Variants in PI4K2B observed in about 807,000 individuals in gnomAD.
PI4K2B encodes phosphatidylinositol 4-kinase type 2-beta.
In PI4K2B, 46 loss-of-function variants were observed where a neutral mutation model predicts 56.6. That is an observed-to-expected ratio of 0.81 (90% confidence interval 0.64 to 1.04). The LOEUF (loss-of-function observed/expected upper bound fraction) is 1.04. Among genes scored for constraint, PI4K2B ranks in the 50% least tolerant of loss-of-function variants. PI4K2B has a pLI of 0.00. For missense variants in PI4K2B, 556 were observed against 607.7 expected (o/e 0.91, Z 0.89); for synonymous variants, 211 against 223.8 (o/e 0.94, Z 0.51).
chr4:25,266,715 G>T (rs1042448222), intron 7 of PI4K2B, among the ~76,000 whole-genome samples: 2 of 152,206 alleles, frequency 1.3e-5, no homozygotes, highest in Admixed American at 6.5e-5. Context: ...GGAATTGGTA[G>T]TGGGGATATA....
At chr4:25,262,564 A>G (rs975064210) in intron 6 of PI4K2B, among the ~76,000 whole-genome samples, 4 of 152,154 alleles carry the variant, frequency 2.6e-5, no homozygotes, top group Admixed American at 2.6e-4. Context: ...TTTCTGTTTT[A>G]CTTTTTGTTA....
chr4:25,258,703 C>A (rs1716347825), intron 4 of PI4K2B, among the ~76,000 whole-genome samples: 1 of 152,050 alleles, frequency 6.6e-6, no homozygotes, highest in African/African-American at 2.4e-5. Context: ...ATTAAATTCA[C>A]CTTAATGAAT....
chr4:25,269,595 C>T (rs565101347), intron 9 of PI4K2B, among the ~76,000 whole-genome samples: 11 of 150,086 alleles, frequency 7.3e-5, no homozygotes, highest in African/African-American at 2.2e-4. Flanking sequence ...GCTGAGATCA[C>T]GCCACTGCAC....
In PI4K2B at chr4:25,279,142, A is replaced by G. The variant is rs1423103433; in HGVS notation, c.*1955A>G. On this transcript the variant is annotated 3_prime_UTR_variant, in exon 10 of 10. Coordinates refer to ENST00000264864, the MANE Select transcript of PI4K2B (RefSeq NM_018323.4). ...GAATATTTAGAATGTTTATGAACAC[A>G]TTTACTATAAATGATGCCAAACTAT... 2.0e-5 allele frequency: 3 copies of G among 151,586 alleles called. No homozygotes were observed. Among genetic ancestry groups the G allele is most frequent in the East Asian group, 1.9e-4 (1 of 5,172 alleles). 9.4% of individuals were successfully genotyped at this position (151,586 alleles called of 1,614,324 possible).
At chr4:25,248,770 C>G (rs1715904018) in intron 1 of PI4K2B, among the ~76,000 whole-genome samples, 1 of 73,464 alleles carries the variant, frequency 1.4e-5, no homozygotes, top group Non-Finnish European at 3.6e-5. Flanking sequence ...TCAAATGAGT[C>G]AGAGCTAATA....
chr4:25,239,617 C>T (rs1242522105), intron 1 of PI4K2B, among the ~76,000 whole-genome samples: 1 of 152,242 alleles, frequency 6.6e-6, no homozygotes, highest in Non-Finnish European at 1.5e-5. Context: ...ACCTGTCCCT[C>T]CACACCTCCC....
At chr4:25,276,473 C>G in intron 9 of PI4K2B, 1 of 222,700 alleles carries the variant, frequency 4.5e-6, no homozygotes, top group Non-Finnish European at 7.5e-6. Flanking sequence ...TTTACATATT[C>G]ATGTTTATTG....
intron 7 of PI4K2B, among the ~76,000 whole-genome samples, chr4:25,266,817 G>C (rs1205536965): frequency 6.6e-6 from 1 of 152,162 alleles, no homozygotes; most frequent in East Asian, 1.9e-4. Flanking sequence ...CTTGTTGATG[G>C]AAGTCATGGT....
chr4:25,256,162 C>T (rs1346044768), intron 3 of PI4K2B, among the ~76,000 whole-genome samples: 1 of 152,204 alleles, frequency 6.6e-6, no homozygotes, highest in African/African-American at 2.4e-5. Context: ...AAGCAGTCTA[C>T]CTGCCACAGC....
In PI4K2B at chr4:25,277,240, C is replaced by A; in HGVS notation, c.*53C>A. On this transcript the variant is annotated 3_prime_UTR_variant, in exon 10 of 10. Coordinates refer to ENST00000264864, the MANE Select transcript of PI4K2B (RefSeq NM_018323.4). ...GTTTAGAATTATCATGTTTTTAAAA[C>A]ATCATAGTAATATAAATCTGCTGTT... 5 of 1,514,052 alleles carry A rather than the reference C, an allele frequency of 3.3e-6. No individual in the cohort carries two copies. In the South Asian group the frequency reaches 6.7e-5, roughly 20 times the overall value. The allele number at this position is 1,514,052 out of a possible 1,614,324, so 93.8% of individuals were successfully genotyped here. A position where few individuals can be genotyped will look rare whatever the true frequency, so the allele number is the denominator to read the frequency against.
chr4:25,234,156 G>C lies in PI4K2B; in HGVS notation c.-8G>C. ...CTGGTCTCAGCGCGGAGGGAGCAGA[G>C]GGAGTCCATGGAGGATCCCTCCGAG... is the stretch of plus-strand genomic sequence containing the variant. On this transcript the variant is annotated 5_prime_UTR_variant, in exon 1 of 10. Transcript: ENST00000264864. 1 of 1,354,452 alleles carries C rather than the reference G, an allele frequency of 7.4e-7. No homozygotes were observed. The highest frequency in any genetic ancestry group is 9.5e-7 in the Non-Finnish European group (1 of 1,050,776). The allele number at this position is 1,354,452 out of a possible 1,614,324, so 83.9% of individuals were successfully genotyped here.
rs919821735 is a variant in PI4K2B at position 25,234,158 on chromosome 4, G to A, written c.-6G>A. The A allele has an allele frequency of 2.7e-5, 36 of 1,355,438 alleles. No individual in the cohort carries two copies. The Middle Eastern group carries it at 1.5e-3, about 56-fold the overall frequency. The allele number at this position is 1,355,438 out of a possible 1,614,324, so 84.0% of individuals were successfully genotyped here. ...GGTCTCAGCGCGGAGGGAGCAGAGG[G>A]AGTCCATGGAGGATCCCTCCGAGCC... On this transcript the variant is annotated 5_prime_UTR_variant, in exon 1 of 10. Coordinates refer to ENST00000264864, the MANE Select transcript of PI4K2B (RefSeq NM_018323.4).
In PI4K2B at chr4:25,277,250, A is replaced by C; in HGVS notation, c.*63A>C. The C allele has an allele frequency of 6.7e-7, 1 of 1,494,466 alleles. No homozygotes were observed. Among genetic ancestry groups the C allele is most frequent in the East Asian group, 2.3e-5 (1 of 43,780 alleles). 92.6% of individuals were successfully genotyped at this position (1,494,466 alleles called of 1,614,324 possible). ...ATCATGTTTTTAAAACATCATAGTA[A>C]TATAAATCTGCTGTTAGGAGCTCCA... On this transcript the variant is annotated 3_prime_UTR_variant, in exon 10 of 10. Coordinates refer to ENST00000264864, the MANE Select transcript of PI4K2B (RefSeq NM_018323.4).
chr4:25,277,169 A>T lies in PI4K2B; in HGVS notation c.1428A>T (p.Pro476=). Residue 476 remains proline, a synonymous_variant, in exon 10 of 10, where the codon CCA becomes CCT. Transcript: ENST00000264864. The part of the protein sequence containing the change: ...SFTQTVNCRK[P]FFSSW ...CCCAGACTGTCAATTGCAGGAAGCCATTTTTTTCCTCCTGGTAGTAAATGT... is the reference window on the plus strand; with the variant it reads ...CCCAGACTGTCAATTGCAGGAAGCCTTTTTTTTCCTCCTGGTAGTAAATGT... 6.2e-7 allele frequency: 1 copy of T among 1,612,358 alleles called. No individual in the cohort carries two copies. The highest frequency in any genetic ancestry group is 8.5e-7 in the Non-Finnish European group (1 of 1,178,774).
At position 25,279,034 on chromosome 4, in the gene PI4K2B, ATATT is replaced by A. The variant is rs59635105; in HGVS notation, c.*1851_*1854del. 0.044 allele frequency: 6,662 copies of A among 152,518 alleles called. 263 individuals carry two copies. The highest frequency in any genetic ancestry group is 0.11 in the African/African-American group (4,553 of 41,478). The allele number at this position is 152,518 out of a possible 1,614,324, so 9.4% of individuals were successfully genotyped here. A position where few individuals can be genotyped will look rare whatever the true frequency, so the allele number is the denominator to read the frequency against. ...ATAGTATGGTTTTTTTTCAATAAGT[ATATT>A]TATAGTGACAAATGTGGTAGACTAA... On this transcript the variant is annotated 3_prime_UTR_variant, in exon 10 of 10. Coordinates refer to ENST00000264864, the MANE Select transcript of PI4K2B (RefSeq NM_018323.4).
chr4:25,234,395 T>G lies in PI4K2B; in HGVS notation c.232T>G (p.Ser78Ala), dbSNP rs313549. The part of the protein sequence containing the change: ...PGDVGVSRSS[S>A]AELDRSRPAV... ...GGACGTGGGGGTCTCCCGGAGTTCG[T>G]CCGCCGAGCTGGACCGGAGCCGCCC... Residue 78 changes from serine (S) to alanine (A), a missense_variant, in exon 1 of 10, where the codon TCC (serine) becomes GCC (alanine). Physicochemically the swap from Ser to Ala is moderately conservative, Grantham distance 99 (BLOSUM62 1). Coordinates refer to ENST00000264864, the MANE Select transcript of PI4K2B (RefSeq NM_018323.4). The G allele has an allele frequency of 1.4e-5, 19 of 1,387,910 alleles. No homozygotes were observed. The African/African-American group carries it at 2.2e-4, about 16-fold the overall frequency. The allele number at this position is 1,387,910 out of a possible 1,614,324, so 86.0% of individuals were successfully genotyped here.
At chr4:25,238,999 C>A (rs1715395054) in intron 1 of PI4K2B, among the ~76,000 whole-genome samples, 1 of 152,090 alleles carries the variant, frequency 6.6e-6, no homozygotes, top group African/African-American at 2.4e-5. Flanking sequence ...GTTTACAATC[C>A]CTGAGCTAGA....
chr4:25,234,809 C>T (rs558011511), intron 1 of PI4K2B, among the ~76,000 whole-genome samples: 18 of 152,288 alleles, frequency 1.2e-4, no homozygotes, highest in African/African-American at 3.6e-4. Flanking sequence ...GGAAAGTTCC[C>T]GGAGTGGTGA....
At chr4:25,271,963 G>A (rs1372643128) in intron 9 of PI4K2B, among the ~76,000 whole-genome samples, 7 of 152,060 alleles carry the variant, frequency 4.6e-5, no homozygotes, top group South Asian at 2.1e-4. Context: ...GGCAAATGGC[G>A]AAACCCCATC....
Sources: allele counts gnomAD v4.1 joint callset (sites outside exome capture counted in the v4.1 genomes callset), GRCh38; gene constraint gnomAD v4.1.1; transcripts MANE v1.5; gene names NCBI Gene and HGNC (gene_info 2026-07-23, HGNC 2026-07-21).